Variants in ITGB5 observed in about 807,000 individuals in gnomAD.
ITGB5 encodes the protein integrin subunit beta 5, also known as integrin beta-5.
Under a neutral mutation model 84.8 loss-of-function variants are expected in ITGB5, and 38 were observed. That is an observed-to-expected ratio of 0.45 (90% confidence interval 0.35 to 0.59). ITGB5 has a LOEUF of 0.59. Ranked by LOEUF, ITGB5 falls within the 20% of genes least tolerant of loss-of-function variation. The probability of loss-of-function intolerance (pLI) is 0.01; values close to 1 mark genes in which losing one functional copy is unlikely to be tolerated. For missense variants in ITGB5, 905 were observed against 1,034.5 expected (o/e 0.87, Z 1.72); for synonymous variants, 393 against 414.4 (o/e 0.95, Z 0.63).
chr3:124,806,639 G>A (rs1366978200), intron 9 of ITGB5, among the ~76,000 whole-genome samples: 4 of 151,582 alleles, frequency 2.6e-5, no homozygotes, highest in African/African-American at 9.7e-5. Context: ...GGGTTTCACC[G>A]TGTTAGCCAG....
At chr3:124,768,479 G>A (rs746406004) in intron 12 of ITGB5, among the ~76,000 whole-genome samples, 1 of 152,270 alleles carries the variant, frequency 6.6e-6, no homozygotes, top group Middle Eastern at 3.4e-3. Context: ...TCTCTGTGTT[G>A]GACATTTCAT....
At chr3:124,848,283 C>A in intron 4 of ITGB5, 26 bp downstream of exon 4, 1 of 1,610,956 alleles carries the variant, frequency 6.2e-7, no homozygotes, top group South Asian at 1.1e-5. Context: ...CTTAAGTACC[C>A]AACAGAAGGG....
intron 10 of ITGB5, among the ~76,000 whole-genome samples, chr3:124,779,462 C>T (rs2063971367): frequency 6.6e-6 from 1 of 152,132 alleles, no homozygotes; most frequent in African/African-American, 2.4e-5. Context: ...CCAACAGACC[C>T]AGGAGAAGGA....
chr3:124,853,124 C>T (rs995419664), intron 3 of ITGB5, among the ~76,000 whole-genome samples: 8 of 152,100 alleles, frequency 5.3e-5, no homozygotes, highest in African/African-American at 1.9e-4. Flanking sequence ...AAATAAAGAC[C>T]TTTGCCATCC....
At chr3:124,876,893 C>A (rs1198039218) in intron 1 of ITGB5, among the ~76,000 whole-genome samples, 1 of 152,206 alleles carries the variant, frequency 6.6e-6, no homozygotes, top group Middle Eastern at 3.2e-3. Flanking sequence ...TGTGTATGTG[C>A]TGACAACCTC....
intron 9 of ITGB5, among the ~76,000 whole-genome samples, chr3:124,807,360 G>A (rs2064421617): frequency 6.6e-6 from 1 of 152,204 alleles, no homozygotes; most frequent in African/African-American, 2.4e-5. Context: ...AGGTTGCAGT[G>A]AGCCGAGATC....
chr3:124,889,143 T>C (rs1164099625), upstream of ITGB5, among the ~76,000 whole-genome samples: 1 of 152,178 alleles, frequency 6.6e-6, no homozygotes, highest in Non-Finnish European at 1.5e-5. Flanking sequence ...CCACAGGAAA[T>C]TCCTTTTGGA....
intron 10 of ITGB5, among the ~76,000 whole-genome samples, chr3:124,778,974 C>T (rs1304538463): frequency 1.3e-5 from 2 of 152,140 alleles, no homozygotes; most frequent in East Asian, 1.9e-4. Flanking sequence ...TCACCTTGGG[C>T]AGGTCCCTAA....
intron 4 of ITGB5, among the ~76,000 whole-genome samples, 153 bp downstream of exon 4, chr3:124,848,156 G>A (rs2065102158): frequency 6.6e-6 from 1 of 152,200 alleles, no homozygotes; most frequent in Non-Finnish European, 1.5e-5. Context: ...CAGGAAAGGA[G>A]AGAATGTATG....
At chr3:124,783,880 G>C (rs906559004) in intron 10 of ITGB5, among the ~76,000 whole-genome samples, 1 of 152,120 alleles carries the variant, frequency 6.6e-6, no homozygotes, top group African/African-American at 2.4e-5. Flanking sequence ...CACATCTTTA[G>C]TCTCAGGGAC....
At chr3:124,883,305 T>G (rs1162411408) in intron 1 of ITGB5, among the ~76,000 whole-genome samples, 1 of 152,154 alleles carries the variant, frequency 6.6e-6, no homozygotes, top group Admixed American at 6.5e-5. Context: ...CCCCGTTGCC[T>G]CAGTAGCTAA....
At chr3:124,843,289 C>T (rs775208271) in intron 4 of ITGB5, among the ~76,000 whole-genome samples, 1 of 152,224 alleles carries the variant, frequency 6.6e-6, no homozygotes, top group South Asian at 2.1e-4. Context: ...CTCTCCCCCT[C>T]TCTCTTCCTC....
intron 13 of ITGB5, 129 bp from the exon 14 acceptor site, chr3:124,764,686 C>T: frequency 1.2e-6 from 1 of 821,744 alleles, no homozygotes. Context: ...TCCCTTAGAT[C>T]CTCAGGAGGG....
chr3:124,800,253 A>G (rs903633238), intron 9 of ITGB5, among the ~76,000 whole-genome samples: 10 of 152,184 alleles, frequency 6.6e-5, no homozygotes, highest in African/African-American at 1.9e-4. Context: ...CTACAGAGGA[A>G]TGACCTGGAC....
upstream of ITGB5, chr3:124,887,920 C>CT (rs747964036): frequency 0.079 from 15,556 of 196,078 alleles, 868 homozygotes; most frequent in African/African-American, 0.21. Flanking sequence ...TTTTTCTTTT[C>CT]TTTTTTTTTT....
rs530755173 is a variant in ITGB5 at position 124,868,866 on chromosome 3, C to T, written c.156+4580G>A. On this transcript the variant is annotated intron_variant, in intron 2 of 14. Transcript: ENST00000296181. The stretch of plus-strand genomic sequence containing the variant: ...GTAAACAAAAGCAAGAGAGCCAGGG[C>T]TGATGTGACACAGAGCCAACTAAGA... 2.6e-5 allele frequency among the ~76,000 whole-genome samples: 4 copies of T among 152,020 alleles called. No homozygotes were observed. In the South Asian group the frequency reaches 6.2e-4, roughly 24 times the overall value.
intron 5 of ITGB5, 27 bp downstream of exon 5, chr3:124,841,356 A>G: frequency 6.2e-7 from 1 of 1,607,256 alleles, no homozygotes; most frequent in Non-Finnish European, 8.5e-7. Flanking sequence ...CTCCCCATGC[A>G]GGGACAGGAC....
Position 124,859,449 on chromosome 3 carries a change from A to C in ITGB5, c.157-3T>G. On this transcript the variant is annotated splice_region_variant and splice_polypyrimidine_tract_variant and intron_variant, in intron 2 of 14. Transcript: ENST00000296181. ...ATGGACCGTGGGCTTCCGAAGTCCT[A>C]GGCAGGGAAAAAGAGGAAGAGAGCA... 1 of 1,611,524 alleles carries C rather than the reference A, an allele frequency of 6.2e-7. No individual in the cohort carries two copies. Among genetic ancestry groups the C allele is most frequent in the South Asian group, 1.1e-5 (1 of 91,010 alleles).
chr3:124,874,974 G>A (rs1579328964), intron 1 of ITGB5, among the ~76,000 whole-genome samples: 1 of 152,126 alleles, frequency 6.6e-6, no homozygotes, highest in East Asian at 1.9e-4. Flanking sequence ...TATCCCAGAA[G>A]CACAGGCAAC....
Sources: gnomAD v4.1 joint callset for allele counts (sites outside exome capture counted in the v4.1 genomes callset) on GRCh38, gnomAD v4.1.1 for gene constraint, MANE v1.5 for transcripts, NCBI Gene and HGNC (gene_info 2026-07-23, HGNC 2026-07-21) for gene names.